The following DMD variants were observed in gnomAD, a reference collection of about 807,000 sequenced individuals.
DMD encodes the protein dystrophin.
In DMD, 63 loss-of-function variants were observed where a neutral mutation model predicts 330.1. That is an observed-to-expected ratio of 0.19 (90% CI 0.16 to 0.24). DMD has a LOEUF of 0.24. DMD is among the 10% of genes least tolerant of loss of function. The probability of loss-of-function intolerance (pLI) is 1.00; values close to 1 mark genes in which losing one functional copy is unlikely to be tolerated. For synonymous variants in DMD, 1,223 were observed against 959.8 expected (o/e 1.27, Z -5.07); for missense variants, 3,344 against 2,684.1 (o/e 1.25, Z -5.43).
At chrX:31,880,536 A>G (rs1018181247) in intron 47 of DMD, among the ~76,000 whole-genome samples, 1 of 112,580 alleles carries the variant, frequency 8.9e-6, no homozygotes, top group African/African-American at 3.2e-5. Context: ...ATGCAAAGGA[A>G]AACAGCAATG....
intron 48 of DMD, among the ~76,000 whole-genome samples, chrX:31,866,210 CTT>C (rs1345754967): frequency 1.8e-5 from 2 of 111,502 alleles, no homozygotes; most frequent in Admixed American, 9.6e-5. Context: ...TGCTCCATCT[CTT>C]TGTCCATCCA....
At chrX:31,400,902 G>A (rs1445452443) in intron 60 of DMD, among the ~76,000 whole-genome samples, 3 of 111,754 alleles carry the variant, frequency 2.7e-5, no homozygotes, top group African/African-American at 9.8e-5. Context: ...GAGAAGTGAC[G>A]TTTCTCTTTG....
chrX:31,337,010 G>A (rs12854947), intron 61 of DMD, among the ~76,000 whole-genome samples: 2,870 of 105,370 alleles, frequency 0.027, 43 homozygotes, highest in Middle Eastern at 0.051. Context: ...TGCAACCTCC[G>A]TCTCCTGGGT....
chrX:31,900,604 G>T (rs2094409322), intron 47 of DMD, among the ~76,000 whole-genome samples: 1 of 111,330 alleles, frequency 9.0e-6, no homozygotes, highest in African/African-American at 3.3e-5. Context: ...CAGTAATTTG[G>T]TACCAGTAGA....
At chrX:31,568,144 T>C (rs1283195340) in intron 55 of DMD, among the ~76,000 whole-genome samples, 2 of 111,395 alleles carry the variant, frequency 1.8e-5, no homozygotes, top group African/African-American at 3.3e-5. Context: ...TGGGAACATA[T>C]AAGTTGAATT....
intron 7 of DMD, among the ~76,000 whole-genome samples, chrX:32,716,070 T>C (rs1390941068): frequency 6.3e-5 from 7 of 111,785 alleles, no homozygotes; most frequent in Non-Finnish European, 1.3e-4. Flanking sequence ...TAACTTTCTC[T>C]CGTCATATAA....
intron 43 of DMD, among the ~76,000 whole-genome samples, chrX:32,228,881 C>A (rs944509123): frequency 1.8e-5 from 2 of 111,457 alleles, no homozygotes; most frequent in African/African-American, 6.5e-5. Flanking sequence ...AAAGCAACCA[C>A]AAATATATGC....
At position 33,067,164 on chromosome X, in the gene DMD, T is replaced by TA. The variant is rs771752118; in HGVS notation, c.32-46965dup. Among the ~76,000 whole-genome samples the TA allele has an allele frequency of 7.1e-5, 8 of 112,143 alleles. No individual in the cohort carries two copies. In the East Asian group the frequency reaches 2.3e-3, roughly 32 times the overall value. ...AGTGTGTACGGATAACACGTATACC[T>TA]ACTCGATCCTACAAGTGCGTGGTTC... is the stretch of plus-strand genomic sequence containing the variant. On this transcript the variant is annotated intron_variant, in intron 1 of 78. Transcript: ENST00000357033.
chrX:32,479,019 T>A lies in DMD; in HGVS notation c.2803+5900A>T, dbSNP rs2041536748. On this transcript the variant is annotated intron_variant, in intron 21 of 78. Coordinates refer to ENST00000357033, the MANE Select transcript of DMD (RefSeq NM_004006.3). ...TTTTCTGACCAACTTTGTGTAAGTATAAACTACCACACTACAGAAATATTT... is the reference window on the plus strand; with the variant it reads ...TTTTCTGACCAACTTTGTGTAAGTAAAAACTACCACACTACAGAAATATTT... Among the ~76,000 whole-genome samples, 3 of 111,808 alleles carry A rather than the reference T, an allele frequency of 2.7e-5. 1 individual carries two copies. In the South Asian group the frequency reaches 1.1e-3, roughly 41 times the overall value.
intron 67 of DMD, among the ~76,000 whole-genome samples, chrX:31,192,087 C>T (rs1485366456): frequency 6.2e-5 from 7 of 112,179 alleles, no homozygotes; most frequent in Admixed American, 1.9e-4. Context: ...TCTTTAACAA[C>T]CTCTAAATCT....
At chrX:33,135,562 A>G (rs2148558578) in intron 1 of DMD, among the ~76,000 whole-genome samples, 1 of 112,316 alleles carries the variant, frequency 8.9e-6, no homozygotes, top group East Asian at 2.8e-4. Context: ...TTGGAAAACC[A>G]TATGATATAT....
chrX:31,409,741 C>T (rs2061555450), intron 60 of DMD, among the ~76,000 whole-genome samples: 2 of 112,189 alleles, frequency 1.8e-5, no homozygotes, highest in Non-Finnish European at 3.8e-5. Context: ...AATTAAATTT[C>T]CAGATTTTTA....
Position 33,166,779 on chromosome X carries a change from A to ATAT in DMD, c.31+44502_31+44503insATA, listed in dbSNP as rs1557283549. Reference sequence around the variant, plus strand: ...TACATACATACATATATATATATATATTTTTTTTCCTCAGTGTGTATTCAT... The same window carrying ATAT: ...TACATACATACATATATATATATATATATTTTTTTTTCCTCAGTGTGTATTCAT... On this transcript the variant is annotated intron_variant, in intron 1 of 78. Transcript: ENST00000357033. Among the ~76,000 whole-genome samples the ATAT allele has an allele frequency of 3.8e-4, 41 of 107,031 alleles. No individual in the cohort carries two copies. The South Asian group carries it at 7.1e-3, about 19-fold the overall frequency. The allele number at this position is 107,031 out of a possible 115,157, so 92.9% of individuals were successfully genotyped here.
chrX:33,064,870 CAG>C (rs2094630914), intron 1 of DMD, among the ~76,000 whole-genome samples: 1 of 110,548 alleles, frequency 9.0e-6, no homozygotes, highest in Non-Finnish European at 1.9e-5. Context: ...GCCTCGGGGT[CAG>C]AGAGAGACTT....
At position 32,565,802 on chromosome X, in the gene DMD, A is replaced by C; in HGVS notation, c.1892T>G (p.Leu631Arg). ...CTTCTGGGTCACTGACTTATTCTTC[A>C]GTGTTGAAAGAAGATCTTGTTTGAG... is the stretch of plus-strand genomic sequence containing the variant. ...YSLKQDLLST[L>R]KNKSVTQKTE... The change falls in exon 16 of 79, where the codon CTG becomes CGG. Residue 631 changes from leucine to arginine, a missense_variant. Transcript: ENST00000357033. The C allele has an allele frequency of 8.3e-7, 1 of 1,210,866 alleles. No individual in the cohort carries two copies. Among genetic ancestry groups the C allele is most frequent in the Non-Finnish European group, 1.1e-6 (1 of 894,822 alleles).
chrX:32,202,090 A>T (rs892630043), intron 44 of DMD, among the ~76,000 whole-genome samples: 5 of 111,389 alleles, frequency 4.5e-5, no homozygotes, highest in Non-Finnish European at 7.5e-5. Context: ...AGGTCAACAA[A>T]TATTTGGTTA....
chrX:31,940,614 A>G (rs1222880990), intron 45 of DMD, among the ~76,000 whole-genome samples: 1 of 111,191 alleles, frequency 9.0e-6, no homozygotes, highest in Non-Finnish European at 1.9e-5. Context: ...CTACTTGTTG[A>G]CCAGAAAATT....
At chrX:32,246,991 C>T (rs1221060616) in intron 43 of DMD, among the ~76,000 whole-genome samples, 1 of 111,311 alleles carries the variant, frequency 9.0e-6, no homozygotes, top group Non-Finnish European at 1.9e-5. Flanking sequence ...AGGACCCACC[C>T]CAGACCAAAT....
At chrX:32,934,142 T>C (rs1426637432) in intron 2 of DMD, among the ~76,000 whole-genome samples, 5 of 111,764 alleles carry the variant, frequency 4.5e-5, no homozygotes, top group Admixed American at 2.9e-4. Flanking sequence ...CAAAAAACAA[T>C]AGGTTGAGAG....
Sources: gnomAD v4.1 joint callset for allele counts (sites outside exome capture counted in the v4.1 genomes callset) on GRCh38, gnomAD v4.1.1 for gene constraint, MANE v1.5 for transcripts, NCBI Gene and HGNC (gene_info 2026-07-23, HGNC 2026-07-21) for gene names.